Variants in HSD11B1 observed in about 807,000 individuals in gnomAD.
HSD11B1 encodes hydroxysteroid 11-beta dehydrogenase 1.
HSD11B1 carries 15 observed loss-of-function variants against 22.1 expected under a neutral mutation model. The ratio of observed to expected loss-of-function variants is 0.68; its 90% CI spans 0.45 to 1.04. The LOEUF (loss-of-function observed/expected upper bound fraction) is 1.04. HSD11B1 is among the 50% of genes least tolerant of loss of function. The pLI is 0.00. For synonymous variants in HSD11B1, 122 were observed against 125.2 expected, an observed-to-expected ratio of 0.97 and a Z score of 0.17; for missense variants, 281 against 357.6, an observed-to-expected ratio of 0.79 and a Z score of 1.73.
chr1:209,718,103 G>A (rs1040057516), intron 4 of HSD11B1, among the ~76,000 whole-genome samples: 3 of 152,160 alleles, frequency 2.0e-5, no homozygotes, highest in Non-Finnish European at 4.4e-5. Flanking sequence ...ATGTCAGCGT[G>A]TTGGCAGGAG....
chr1:209,704,417 G>C (rs2076843543), upstream of HSD11B1, among the ~76,000 whole-genome samples: 1 of 142,322 alleles, frequency 7.0e-6, no homozygotes, highest in Non-Finnish European at 1.5e-5. Flanking sequence ...TTATTTTGCT[G>C]TTTTGTGCTG....
intron 4 of HSD11B1, among the ~76,000 whole-genome samples, chr1:209,722,693 C>A (rs528752983): frequency 2.0e-4 from 31 of 152,136 alleles, no homozygotes; most frequent in Non-Finnish European, 4.3e-4. Flanking sequence ...AAATGGGGGG[C>A]AGGATCCCAG....
chr1:209,689,351 G>A (rs138684440), intron 1 of HSD11B1, among the ~76,000 whole-genome samples: 193 of 152,260 alleles, frequency 1.3e-3, no homozygotes, highest in African/African-American at 4.4e-3. Flanking sequence ...CAATGAAACC[G>A]CCAGGGGCCT....
chr1:209,699,004 C>T (rs2076810021), intron 1 of HSD11B1, among the ~76,000 whole-genome samples: 2 of 152,084 alleles, frequency 1.3e-5, no homozygotes, highest in Admixed American at 6.6e-5. Flanking sequence ...TCCACGATTC[C>T]GTTAGCTAAA....
At chr1:209,687,498 C>A (rs1465155775) in intron 1 of HSD11B1, among the ~76,000 whole-genome samples, 1 of 152,176 alleles carries the variant, frequency 6.6e-6, no homozygotes, top group East Asian at 1.9e-4. Context: ...GCTAAAAGTT[C>A]TCTGTGTCCA....
At chr1:209,702,867 G>A (rs1230816938), upstream of HSD11B1, among the ~76,000 whole-genome samples, 6 of 152,160 alleles carry the variant, frequency 3.9e-5, no homozygotes, top group Admixed American at 2.6e-4. Context: ...TCTCATCAAT[G>A]CATTTTATAT....
intron 4 of HSD11B1, among the ~76,000 whole-genome samples, chr1:209,729,498 T>C (rs1273317361): frequency 6.6e-6 from 1 of 152,128 alleles, no homozygotes; most frequent in Non-Finnish European, 1.5e-5. Flanking sequence ...CTAAACTATC[T>C]AAATGTTTTG....
chr1:209,705,202 G>T lies in HSD11B1; in HGVS notation c.88+172G>T, dbSNP rs565811452. Reference sequence around the variant, plus strand: ...CCAGCTACAGGCTGTGGACAGGGGGGACTGTGTAGGAAGGGTAATCGTGTA... The same window carrying T: ...CCAGCTACAGGCTGTGGACAGGGGGTACTGTGTAGGAAGGGTAATCGTGTA... On this transcript the variant is annotated intron_variant, in intron 1 of 5. Coordinates refer to ENST00000367027, the MANE Select transcript of HSD11B1 (RefSeq NM_005525.4). 7.9e-5 allele frequency among the ~76,000 whole-genome samples: 12 copies of T among 152,208 alleles called. No individual in the cohort carries two copies. The East Asian group carries it at 1.2e-3, about 15-fold the overall frequency.
At chr1:209,696,765 G>A (rs2076793678) in intron 1 of HSD11B1, among the ~76,000 whole-genome samples, 1 of 152,208 alleles carries the variant, frequency 6.6e-6, no homozygotes, top group South Asian at 2.1e-4. Context: ...GATACTTAAT[G>A]AGAAGGATCA....
Position 209,734,340 on chromosome 1 carries a change from T to C in HSD11B1, c.698T>C (p.Met233Thr). The C allele has an allele frequency of 3.1e-6, 5 of 1,614,124 alleles. No individual in the cohort carries two copies. Among genetic ancestry groups the C allele is most frequent in the East Asian group, 2.2e-5 (1 of 44,876 alleles). ...AMKAVSGIVHMQAAPKEECAL... is the reference protein window; with the variant it reads ...AMKAVSGIVHTQAAPKEECAL... ...AAGGCAGTTTCTGGGATAGTCCATA[T>C]GCAAGCAGCTCCAAAGGAGGAATGT... The change falls in exon 6 of 6, where the codon ATG (methionine) becomes ACG (threonine). Residue 233 changes from methionine (M) to threonine (T), a missense_variant. Met to Thr is a moderately conservative substitution (Grantham distance 81). Transcript: ENST00000367027.
chr1:209,695,884 T>C (rs2076788301), intron 1 of HSD11B1, among the ~76,000 whole-genome samples: 1 of 152,168 alleles, frequency 6.6e-6, no homozygotes, highest in South Asian at 2.1e-4. Context: ...CCAAGAGAAA[T>C]AAAAACATAC....
chr1:209,713,914 T>C (rs766271901), intron 4 of HSD11B1, among the ~76,000 whole-genome samples: 23 of 152,164 alleles, frequency 1.5e-4, no homozygotes, highest in Non-Finnish European at 3.1e-4. Flanking sequence ...TTTCCATAAG[T>C]AGAAATTTGC....
At chr1:209,731,081 G>A (rs2077032760) in intron 4 of HSD11B1, among the ~76,000 whole-genome samples, 2 of 152,194 alleles carry the variant, frequency 1.3e-5, no homozygotes, top group African/African-American at 4.8e-5. Flanking sequence ...AAGAGGTTGG[G>A]GTTACCGTAA....
intron 4 of HSD11B1, among the ~76,000 whole-genome samples, chr1:209,709,438 T>G (rs2076880776): frequency 6.6e-6 from 1 of 152,218 alleles, no homozygotes; most frequent in South Asian, 2.1e-4. Context: ...GTTACATTGA[T>G]TAGCCTCCTC....
At chr1:209,694,797 T>A (rs1055985053) in intron 1 of HSD11B1, among the ~76,000 whole-genome samples, 7 of 152,238 alleles carry the variant, frequency 4.6e-5, no homozygotes, top group Non-Finnish European at 1.0e-4. Flanking sequence ...TCCTATATTC[T>A]TTTGTGAATA....
At chr1:209,728,556 G>A (rs926604310) in intron 4 of HSD11B1, among the ~76,000 whole-genome samples, 4 of 152,144 alleles carry the variant, frequency 2.6e-5, no homozygotes, top group African/African-American at 9.7e-5. Flanking sequence ...TAAGTAATGT[G>A]GATCTATTTT....
chr1:209,697,640 A>G (rs1452345295), intron 1 of HSD11B1, among the ~76,000 whole-genome samples: 1 of 152,162 alleles, frequency 6.6e-6, no homozygotes, highest in East Asian at 1.9e-4. Flanking sequence ...CCCAGCTACC[A>G]TGTGGTATGT....
At position 209,734,897 on chromosome 1, in the gene HSD11B1, G is replaced by A. The variant is rs2077057725; in HGVS notation, c.*376G>A. On this transcript the variant is annotated 3_prime_UTR_variant, in exon 6 of 6. Transcript: ENST00000367027. ...CTATAACTTGAGCTTATTCAGGATGGTTTCTTTAAAACCATAAACTGTACA... is the reference window on the plus strand; with the variant it reads ...CTATAACTTGAGCTTATTCAGGATGATTTCTTTAAAACCATAAACTGTACA... 2 of 156,922 alleles carry A rather than the reference G, an allele frequency of 1.3e-5. No homozygotes were observed. Among genetic ancestry groups the A allele is most frequent in the South Asian group, 3.7e-4 (2 of 5,380 alleles). 9.7% of individuals were successfully genotyped at this position (156,922 alleles called of 1,614,324 possible). A position where few individuals can be genotyped will look rare whatever the true frequency, so the allele number is the denominator to read the frequency against.
chr1:209,708,499 A>G (rs2076874682), intron 4 of HSD11B1, among the ~76,000 whole-genome samples: 1 of 152,074 alleles, frequency 6.6e-6, no homozygotes, highest in African/African-American at 2.4e-5. Flanking sequence ...TTCCCAGACA[A>G]CACACACTCC....
Sources: allele counts gnomAD v4.1 joint callset (sites outside exome capture counted in the v4.1 genomes callset), GRCh38; gene constraint gnomAD v4.1.1; transcripts MANE v1.5; gene names NCBI Gene and HGNC (gene_info 2026-07-23, HGNC 2026-07-21).